Variants in NEDD4L observed in about 807,000 individuals in gnomAD.
NEDD4L encodes E3 ubiquitin-protein ligase NEDD4-like.
Under a neutral mutation model 148.9 loss-of-function variants are expected in NEDD4L, and 54 were observed. That is an observed-to-expected ratio of 0.36 (90% CI 0.29 to 0.45). The LOEUF is 0.45. Ranked by LOEUF, NEDD4L falls within the 20% of genes least tolerant of loss-of-function variation. The pLI, the probability that NEDD4L is intolerant of heterozygous loss-of-function variation, is 1.00. For missense variants in NEDD4L, 856 were observed against 1,233.8 expected (o/e 0.69, Z 4.59); for synonymous variants, 433 against 440.7 (o/e 0.98, Z 0.22).
At chr18:58,157,673 G>A (rs947282055) in intron 1 of NEDD4L, among the ~76,000 whole-genome samples, 5 of 152,048 alleles carry the variant, frequency 3.3e-5, no homozygotes, top group African/African-American at 1.2e-4. Flanking sequence ...TTTCTTAAAA[G>A]TAATACTGCT....
At chr18:58,343,869 G>A (rs902107758) in intron 16 of NEDD4L, among the ~76,000 whole-genome samples, 1 of 152,112 alleles carries the variant, frequency 6.6e-6, no homozygotes, top group African/African-American at 2.4e-5. Flanking sequence ...AAGTCAGTTG[G>A]TATTTTCCTG....
At position 58,256,501 on chromosome 18, in the gene NEDD4L, C is replaced by G; in HGVS notation, c.297+4447C>G. ...GGCTGGAGAGGAGCACCTCGTACCCCACGCAGCCCCGAAGCGAGCGAGGGA... is the reference window on the plus strand; with the variant it reads ...GGCTGGAGAGGAGCACCTCGTACCCGACGCAGCCCCGAAGCGAGCGAGGGA... On this transcript the variant is annotated intron_variant, in intron 5 of 30. Coordinates refer to ENST00000400345, the MANE Select transcript of NEDD4L (RefSeq NM_001144967.3). This position sits in a 1 kb window ranked among gnomAD's most constrained non-coding sequence, Gnocchi z 5.2. 8.1e-7 allele frequency: 1 copy of G among 1,232,260 alleles called. No homozygotes were observed. The highest frequency in any genetic ancestry group is 1.0e-6 in the Non-Finnish European group (1 of 988,038). The allele number at this position is 1,232,260 out of a possible 1,614,324, so 76.3% of individuals were successfully genotyped here. A position where few individuals can be genotyped will look rare whatever the true frequency, so the allele number is the denominator to read the frequency against.
chr18:58,199,127 C>A (rs767729968), intron 2 of NEDD4L, among the ~76,000 whole-genome samples: 1 of 152,168 alleles, frequency 6.6e-6, no homozygotes, highest in South Asian at 2.1e-4. Context: ...TTTTCTAAGA[C>A]AAATACTCAT....
chr18:58,198,728 ATACAT>A (rs2041033142), intron 2 of NEDD4L, among the ~76,000 whole-genome samples: 1 of 152,252 alleles, frequency 6.6e-6, no homozygotes, highest in Admixed American at 6.5e-5. Flanking sequence ...TATTAAACCT[ATACAT>A]TACATTTATT....
intron 1 of NEDD4L, among the ~76,000 whole-genome samples, chr18:58,097,824 G>A (rs1336699583): frequency 6.6e-6 from 1 of 152,060 alleles, no homozygotes; most frequent in Non-Finnish European, 1.5e-5. Context: ...TTGAACCCAG[G>A]AGTTCAAGAC....
chr18:58,045,468 C>T (rs9957740), intron 1 of NEDD4L: 33,307 of 229,452 alleles, frequency 0.15, 2,834 homozygotes, highest in African/African-American at 0.24. Context: ...ACTGAATAAG[C>T]CACGCCTCCC....
At chr18:58,234,134 TTTCTTTCTCTCTCTCTTTCTTTC>T (rs1473038347) in intron 2 of NEDD4L, among the ~76,000 whole-genome samples, 2 of 148,308 alleles carry the variant, frequency 1.3e-5, no homozygotes, top group South Asian at 4.2e-4. Flanking sequence ...TCTTTTTTTC[TTTCTTTCTCTCTCTCTTTCTTTC>T]TTCTTTTTCT....
chr18:58,131,188 T>C (rs1245723941), intron 1 of NEDD4L, among the ~76,000 whole-genome samples: 1 of 146,480 alleles, frequency 6.8e-6, no homozygotes, highest in Non-Finnish European at 1.5e-5. Context: ...TTGTTGGGAT[T>C]TGGTTGGTTG....
intron 5 of NEDD4L, among the ~76,000 whole-genome samples, chr18:58,262,776 A>G: frequency 6.6e-6 from 1 of 152,234 alleles, no homozygotes; most frequent in East Asian, 1.9e-4. Flanking sequence ...AGGAGAATAA[A>G]TGAGTAACTC....
chr18:58,390,824 C>T, intron 29 of NEDD4L, 82 bp downstream of exon 29: 4 of 935,922 alleles, frequency 4.3e-6, no homozygotes, highest in Non-Finnish European at 6.8e-6. Context: ...ACCCTGCCGC[C>T]AGGCCTCTGC....
At chr18:58,047,242 AG>A in intron 1 of NEDD4L, 2 of 985,060 alleles carry the variant, frequency 2.0e-6, no homozygotes, top group Non-Finnish European at 2.4e-6. Context: ...ACCGCTATTT[AG>A]AAGAGTGACC....
At chr18:58,385,720 C>G (rs1050677854) in intron 26 of NEDD4L, 134 bp downstream of exon 26, 1 of 709,688 alleles carries the variant, frequency 1.4e-6, no homozygotes, top group South Asian at 1.7e-5. Context: ...GCAGGAAGAC[C>G]GGGATCGCAC....
intron 2 of NEDD4L, among the ~76,000 whole-genome samples, chr18:58,169,162 C>T (rs372703128): frequency 2.0e-5 from 3 of 152,326 alleles, no homozygotes; most frequent in East Asian, 3.9e-4. Context: ...GCCGTCTCGG[C>T]CCCAGTCCAG....
chr18:58,366,319 G>T lies in NEDD4L; in HGVS notation c.2063+91G>T. On this transcript the variant is annotated intron_variant, in intron 21 of 30. Coordinates refer to ENST00000400345, the MANE Select transcript of NEDD4L (RefSeq NM_001144967.3). The surrounding 1 kb of genome is among the most constrained non-coding windows in gnomAD (Gnocchi z 4.2). ...GAAAGGATAAGCAGCTCATGAGTTCGAGATGCATTAACTCTGCTGAGTTTG... is the reference window on the plus strand; with the variant it reads ...GAAAGGATAAGCAGCTCATGAGTTCTAGATGCATTAACTCTGCTGAGTTTG... The T allele has an allele frequency of 1.1e-6, 1 of 897,694 alleles. No homozygotes were observed. Among genetic ancestry groups the T allele is most frequent in the South Asian group, 1.9e-5 (1 of 52,200 alleles). 55.6% of individuals were successfully genotyped at this position (897,694 alleles called of 1,614,324 possible).
chr18:58,245,038 C>T (rs2047090586), intron 2 of NEDD4L, among the ~76,000 whole-genome samples: 1 of 152,136 alleles, frequency 6.6e-6, no homozygotes, highest in Non-Finnish European at 1.5e-5. Context: ...TGTTGGGTCA[C>T]ATGAACAATG....
chr18:58,394,856 C>T (rs1304308582), intron 30 of NEDD4L, among the ~76,000 whole-genome samples: 1 of 152,192 alleles, frequency 6.6e-6, no homozygotes, highest in Non-Finnish European at 1.5e-5. Flanking sequence ...CTTTTAAAAC[C>T]CAAGAAGTTA....
At chr18:58,044,737 C>A (rs772966025) in intron 1 of NEDD4L, 29 bp downstream of exon 1, 1 of 1,600,550 alleles carries the variant, frequency 6.2e-7, no homozygotes, top group East Asian at 2.3e-5. Flanking sequence ...CTGCTCGGGA[C>A]TCCCCGGGGA....
At chr18:58,113,164 T>C (rs2085523169) in intron 1 of NEDD4L, among the ~76,000 whole-genome samples, 1 of 152,224 alleles carries the variant, frequency 6.6e-6, no homozygotes, top group African/African-American at 2.4e-5. Flanking sequence ...GAACCCAAAC[T>C]TAAAGGCAGC....
intron 1 of NEDD4L, among the ~76,000 whole-genome samples, chr18:58,095,513 C>T (rs1057329378): frequency 2.2e-5 from 3 of 138,278 alleles, no homozygotes; most frequent in Non-Finnish European, 3.1e-5. Flanking sequence ...GACTGGAATG[C>T]AGAGGGGCCT....
Sources: allele counts gnomAD v4.1 joint callset (sites outside exome capture counted in the v4.1 genomes callset), GRCh38; gene constraint gnomAD v4.1.1; non-coding constraint Gnocchi (gnomAD v3.1); transcripts MANE v1.5; gene names NCBI Gene and HGNC (gene_info 2026-07-23, HGNC 2026-07-21).